The following STPG2 variants were observed in gnomAD, a reference collection of about 807,000 sequenced individuals.
STPG2 encodes sperm-tail PG-rich repeat-containing protein 2.
STPG2 carries 56 observed loss-of-function variants against 54.2 expected under a neutral mutation model. That is an observed-to-expected ratio of 1.03 (90% CI 0.83 to 1.29). The LOEUF (loss-of-function observed/expected upper bound fraction) is 1.29. Ranked by LOEUF, STPG2 falls within the 50% of genes most tolerant of loss-of-function variation. The pLI, the probability that STPG2 is intolerant of heterozygous loss-of-function variation, is 0.00. For missense variants in STPG2, 596 were observed against 544.9 expected (o/e 1.09, Z -0.93); for synonymous variants, 200 against 181.8 (o/e 1.10, Z -0.81).
intron 9 of STPG2, among the ~76,000 whole-genome samples, chr4:97,800,840 C>T (rs1159276467): frequency 6.6e-6 from 1 of 152,164 alleles, no homozygotes; most frequent in Non-Finnish European, 1.5e-5. Flanking sequence ...CCAGTTTGAG[C>T]TTCCTGGCCA....
chr4:97,660,312 TTTATA>T (rs1337957825), intron 10 of STPG2, among the ~76,000 whole-genome samples: 1 of 152,242 alleles, frequency 6.6e-6, no homozygotes, highest in African/African-American at 2.4e-5. Context: ...TAGATGAATC[TTTATA>T]TTATATTGAC....
At chr4:97,479,164 T>C (rs1408878625) in intron 4 of STPG2, among the ~76,000 whole-genome samples, 2 of 151,452 alleles carry the variant, frequency 1.3e-5, no homozygotes, top group Non-Finnish European at 3.0e-5. Flanking sequence ...ACACAAACAC[T>C]TAGGCATAGA....
At chr4:97,631,752 T>G (rs748672117) in intron 10 of STPG2, among the ~76,000 whole-genome samples, 1 of 152,082 alleles carries the variant, frequency 6.6e-6, no homozygotes. Flanking sequence ...TTTTGTTAGA[T>G]TGTGCTAGGT....
intron 4 of STPG2, among the ~76,000 whole-genome samples, chr4:98,106,705 G>A (rs1315961498): frequency 1.3e-5 from 2 of 152,054 alleles, no homozygotes; most frequent in African/African-American, 4.8e-5. Flanking sequence ...TTGGAAACTG[G>A]TAATTGGAAA....
chr4:98,009,199 T>C (rs1305097968), intron 5 of STPG2, among the ~76,000 whole-genome samples: 1 of 152,102 alleles, frequency 6.6e-6, no homozygotes, highest in Non-Finnish European at 1.5e-5. Flanking sequence ...GATCATTCTT[T>C]TTTGATGTAG....
At chr4:97,983,305 C>T (rs2149264479) in intron 5 of STPG2, among the ~76,000 whole-genome samples, 1 of 152,238 alleles carries the variant, frequency 6.6e-6, no homozygotes, top group South Asian at 2.1e-4. Flanking sequence ...ACACATATAA[C>T]ATACAAAATA....
chr4:97,947,145 C>G (rs1578720378), intron 7 of STPG2, among the ~76,000 whole-genome samples: 1 of 151,724 alleles, frequency 6.6e-6, no homozygotes, highest in African/African-American at 2.4e-5. Flanking sequence ...ATCTTTTTTG[C>G]AGCTAAAGGA....
intron 5 of STPG2, among the ~76,000 whole-genome samples, chr4:97,988,952 T>C (rs1560624525): frequency 1.3e-5 from 2 of 152,230 alleles, no homozygotes; most frequent in African/African-American, 4.8e-5. Flanking sequence ...AAATCCTATG[T>C]ATTTTTTTAA....
At chr4:97,747,678 A>G (rs1036118216) in intron 9 of STPG2, among the ~76,000 whole-genome samples, 1 of 151,348 alleles carries the variant, frequency 6.6e-6, no homozygotes, top group African/African-American at 2.4e-5. Context: ...CATAAAGCTC[A>G]TATTTTATTA....
chr4:97,633,195 T>C (rs1721353894), intron 10 of STPG2, among the ~76,000 whole-genome samples: 1 of 152,190 alleles, frequency 6.6e-6, no homozygotes, highest in African/African-American at 2.4e-5. Context: ...ATAGAAGGAC[T>C]TGCCATTGGA....
At chr4:97,812,197 TCTTTTCTGTA>T (rs1727761636) in intron 9 of STPG2, among the ~76,000 whole-genome samples, 1 of 152,228 alleles carries the variant, frequency 6.6e-6, no homozygotes, top group South Asian at 2.1e-4. Flanking sequence ...AATCAAATTA[TCTTTTCTGTA>T]CTTTTTTACT....
chr4:97,878,150 G>A (rs1205002252), intron 8 of STPG2, among the ~76,000 whole-genome samples: 1 of 152,200 alleles, frequency 6.6e-6, no homozygotes, highest in African/African-American at 2.4e-5. Flanking sequence ...CTCCAACCCT[G>A]TGGCTTTGCA....
At chr4:97,571,050 G>A (rs931213974) in intron 10 of STPG2, among the ~76,000 whole-genome samples, 3 of 151,532 alleles carry the variant, frequency 2.0e-5, no homozygotes, top group African/African-American at 7.3e-5. Flanking sequence ...AAAAATACAT[G>A]GTTAAAACAT....
intron 1 of STPG2, among the ~76,000 whole-genome samples, chr4:98,141,137 G>T (rs1223868736): frequency 1.3e-5 from 2 of 152,044 alleles, no homozygotes; most frequent in Non-Finnish European, 2.9e-5. Context: ...TTATCAGATG[G>T]ATTTTATTTA....
At chr4:97,461,241 GTCTC>G (rs1489523018) in intron 4 of STPG2, among the ~76,000 whole-genome samples, 2 of 151,738 alleles carry the variant, frequency 1.3e-5, no homozygotes, top group Non-Finnish European at 3.0e-5. Context: ...ACATTTGGTT[GTCTC>G]TCTTTCTCTT....
At chr4:97,788,510 A>G (rs1349297774) in intron 9 of STPG2, among the ~76,000 whole-genome samples, 1 of 152,108 alleles carries the variant, frequency 6.6e-6, no homozygotes, top group Non-Finnish European at 1.5e-5. Context: ...AATCTTGGCT[A>G]TTGTGAACAG....
chr4:97,862,221 C>T (rs1215951680), intron 8 of STPG2, among the ~76,000 whole-genome samples: 1 of 150,584 alleles, frequency 6.6e-6, no homozygotes, highest in African/African-American at 2.4e-5. Flanking sequence ...CAGAGACACA[C>T]ATAGGCTCAA....
At chr4:97,788,039 A>G (rs1455634019) in intron 9 of STPG2, among the ~76,000 whole-genome samples, 4 of 152,018 alleles carry the variant, frequency 2.6e-5, no homozygotes, top group African/African-American at 9.7e-5. Flanking sequence ...TAAGTGGAGT[A>G]TCCATCACCT....
At chr4:97,927,898 T>C (rs1171794235) in intron 8 of STPG2, among the ~76,000 whole-genome samples, 5 of 152,134 alleles carry the variant, frequency 3.3e-5, no homozygotes, top group Non-Finnish European at 7.4e-5. Flanking sequence ...ATAAAATCAA[T>C]GTCACCAATG....
Sources: gnomAD v4.1 joint callset for allele counts (sites outside exome capture counted in the v4.1 genomes callset) on GRCh38, gnomAD v4.1.1 for gene constraint, MANE v1.5 for transcripts, NCBI Gene and HGNC (gene_info 2026-07-23, HGNC 2026-07-21) for gene names.